The following HS3ST5 variants were observed in gnomAD, a reference collection of about 807,000 sequenced individuals.
HS3ST5 encodes heparan sulfate glucosamine 3-O-sulfotransferase 5.
In HS3ST5, 10 loss-of-function variants were observed where a neutral mutation model predicts 25.4. That is an observed-to-expected ratio of 0.39 (90% confidence interval 0.24 to 0.67). The LOEUF (loss-of-function observed/expected upper bound fraction) is 0.67, where lower values mean the gene tolerates loss of function less well. Among genes scored for constraint, HS3ST5 ranks in the 30% least tolerant of loss-of-function variants. The pLI is 0.44. For missense variants in HS3ST5, 324 were observed against 420.7 expected (o/e 0.77, Z 2.01); for synonymous variants, 170 against 162.4 (o/e 1.05, Z -0.36).
chr6:114,084,745 G>A (rs1774695335), intron 3 of HS3ST5: 1 of 838,000 alleles, frequency 1.2e-6, no homozygotes, highest in Admixed American at 1.7e-5. Context: ...CAGGCGTGAA[G>A]AGGCCAGCAA....
At chr6:114,231,823 T>C (rs928850186) in intron 1 of HS3ST5, among the ~76,000 whole-genome samples, 2 of 150,780 alleles carry the variant, frequency 1.3e-5, no homozygotes. Context: ...ATGCAGCCTC[T>C]GGAACTACTG....
chr6:114,325,404 G>A (rs1230151534), intron 1 of HS3ST5, among the ~76,000 whole-genome samples: 1 of 152,182 alleles, frequency 6.6e-6, no homozygotes, highest in Non-Finnish European at 1.5e-5. Flanking sequence ...TGTTAGGACA[G>A]AACATGATGA....
chr6:114,253,217 G>A lies in HS3ST5; in HGVS notation c.-338-24439C>T, dbSNP rs549334313. On this transcript the variant is annotated intron_variant, in intron 1 of 4. Transcript: ENST00000312719. ...CTCAAAAGAAACACATGAAATTAAT[G>A]TTAATTTACTTGCTTTAACCCAATA... Among the ~76,000 whole-genome samples, 208 of 152,182 alleles carry A rather than the reference G, an allele frequency of 1.4e-3. 3 individuals are homozygous for A. In the South Asian group the frequency reaches 0.042, roughly 31 times the overall value.
intron 3 of HS3ST5, among the ~76,000 whole-genome samples, chr6:114,148,242 GA>G (rs1205001532): frequency 6.6e-6 from 1 of 152,126 alleles, no homozygotes; most frequent in African/African-American, 2.4e-5. Context: ...GCAGAAAAGT[GA>G]AACTGGACCC....
In HS3ST5 at chr6:114,125,743, G is replaced by A. The variant is rs139704631; in HGVS notation, c.-33+42608C>T. 2.2e-4 allele frequency among the ~76,000 whole-genome samples: 34 copies of A among 152,284 alleles called. No homozygotes were observed. In the East Asian group the frequency reaches 4.8e-3, roughly 22 times the overall value. On this transcript the variant is annotated intron_variant, in intron 3 of 4. Transcript: ENST00000312719. ...TAGTTGATGCAAAGCTGAAATCATC[G>A]CACAGTGTCTCAAATATATCAACTT...
rs140785635 is a variant in HS3ST5, at chr6:114,232,701, A to G, written c.-338-3923T>C. 2.9e-3 allele frequency among the ~76,000 whole-genome samples: 441 copies of G among 152,284 alleles called. 3 individuals carry two copies. The highest frequency in any genetic ancestry group is 0.01 in the African/African-American group (430 of 41,558). On this transcript the variant is annotated intron_variant, in intron 1 of 4. Coordinates refer to ENST00000312719, the MANE Select transcript of HS3ST5 (RefSeq NM_153612.4). ...ACCCTTTAAAAAGGAATCAGAGCAGATTTGTTCCTTCTTTTCTTCTTTAGG... is the reference window on the plus strand; with the variant it reads ...ACCCTTTAAAAAGGAATCAGAGCAGGTTTGTTCCTTCTTTTCTTCTTTAGG...
At chr6:114,199,949 C>T (rs1262398297) in intron 2 of HS3ST5, among the ~76,000 whole-genome samples, 2 of 152,106 alleles carry the variant, frequency 1.3e-5, no homozygotes, top group Non-Finnish European at 2.9e-5. Flanking sequence ...CACGGTGGCT[C>T]ACGCCTGTGT....
intron 1 of HS3ST5, among the ~76,000 whole-genome samples, chr6:114,325,236 GGTTA>G (rs112902601): frequency 1.2e-4 from 18 of 152,042 alleles, no homozygotes; most frequent in African/African-American, 3.4e-4. Flanking sequence ...AACTTGTTGG[GGTTA>G]GTTACTCAGT....
chr6:114,074,822 T>G (rs1017272302), intron 3 of HS3ST5, among the ~76,000 whole-genome samples: 3 of 152,114 alleles, frequency 2.0e-5, no homozygotes, highest in African/African-American at 7.2e-5. Context: ...TAATATATAA[T>G]AAGCTTATAT....
At chr6:114,183,160 T>TAG (rs1416309345) in intron 2 of HS3ST5, among the ~76,000 whole-genome samples, 2 of 152,154 alleles carry the variant, frequency 1.3e-5, no homozygotes, top group East Asian at 3.9e-4. Context: ...TGATATGCTT[T>TAG]AGCTGTGTTC....
intron 3 of HS3ST5, among the ~76,000 whole-genome samples, chr6:114,161,077 A>G (rs1778923007): frequency 6.6e-6 from 1 of 152,158 alleles, no homozygotes; most frequent in Non-Finnish European, 1.5e-5. Flanking sequence ...AGCAATGATC[A>G]TTTAGAACTA....
At chr6:114,076,013 C>T (rs1414496658) in intron 3 of HS3ST5, among the ~76,000 whole-genome samples, 1 of 152,162 alleles carries the variant, frequency 6.6e-6, no homozygotes, top group Non-Finnish European at 1.5e-5. Flanking sequence ...CACACACACA[C>T]ATGCCCCCAG....
intron 3 of HS3ST5, among the ~76,000 whole-genome samples, chr6:114,115,564 G>A (rs906247959): frequency 1.3e-5 from 2 of 151,614 alleles, no homozygotes; most frequent in African/African-American, 4.9e-5. Context: ...CCACTGGCCC[G>A]AAAATCTTGC....
chr6:114,194,424 G>A (rs1158108625), intron 2 of HS3ST5, among the ~76,000 whole-genome samples: 4 of 152,132 alleles, frequency 2.6e-5, no homozygotes, highest in African/African-American at 4.8e-5. Flanking sequence ...ACTTTGTCAC[G>A]TTGTAGTCTC....
intron 3 of HS3ST5, among the ~76,000 whole-genome samples, chr6:114,145,969 C>G (rs1778141896): frequency 6.6e-6 from 1 of 152,154 alleles, no homozygotes; most frequent in Admixed American, 6.5e-5. Flanking sequence ...AGTACATTTT[C>G]CTAATGTTGT....
At chr6:114,240,389 CAATGA>C (rs1159638958) in intron 1 of HS3ST5, among the ~76,000 whole-genome samples, 2 of 152,044 alleles carry the variant, frequency 1.3e-5, no homozygotes, top group African/African-American at 4.8e-5. Flanking sequence ...AAAAATATCT[CAATGA>C]AATGAAATGA....
chr6:114,087,905 C>T (rs1339753575), intron 3 of HS3ST5, among the ~76,000 whole-genome samples: 6 of 152,110 alleles, frequency 3.9e-5, no homozygotes, highest in South Asian at 4.1e-4. Flanking sequence ...TCTAAAACCC[C>T]GTAATAACTT....
At chr6:114,305,561 T>TA (rs59037239) in intron 1 of HS3ST5, among the ~76,000 whole-genome samples, 5,383 of 152,206 alleles carry the variant, frequency 0.035, 319 homozygotes, top group African/African-American at 0.12. Flanking sequence ...GGGTATGCAG[T>TA]AAAAGTATCT....
intron 2 of HS3ST5, among the ~76,000 whole-genome samples, chr6:114,228,356 G>A (rs1357622216): frequency 6.6e-6 from 1 of 152,000 alleles, no homozygotes; most frequent in African/African-American, 2.4e-5. Flanking sequence ...AAATATCAAG[G>A]TTTCTACTCT....
Sources: gnomAD v4.1 joint callset for allele counts (sites outside exome capture counted in the v4.1 genomes callset) on GRCh38, gnomAD v4.1.1 for gene constraint, MANE v1.5 for transcripts, NCBI Gene and HGNC (gene_info 2026-07-23, HGNC 2026-07-21) for gene names.